The following BFAR variants were observed in gnomAD, a reference collection of about 807,000 sequenced individuals.
BFAR encodes the protein RING finger protein 47.
In BFAR, 52 loss-of-function variants were observed where a neutral mutation model predicts 54.4. That is an observed-to-expected ratio of 0.96 (90% CI 0.77 to 1.21). The LOEUF (loss-of-function observed/expected upper bound fraction) is 1.21, where lower values mean the gene tolerates loss of function less well. Among genes scored for constraint, BFAR ranks in the 50% most tolerant of loss-of-function variants. BFAR has a pLI of 0.00. For synonymous variants in BFAR, 215 were observed against 204.3 expected, an observed-to-expected ratio of 1.05 and a Z score of -0.45; for missense variants, 571 against 534.0, an observed-to-expected ratio of 1.07 and a Z score of -0.68.
In BFAR at chr16:14,668,126, A is replaced by G; in HGVS notation, c.*299A>G. ...CAGTCCCCAACGGCTGGCAAGACTC[A>G]GGGTCCTCAGTGGACATGGTGTGGG... is the stretch of plus-strand genomic sequence containing the variant. On this transcript the variant is annotated 3_prime_UTR_variant, in exon 8 of 8. Coordinates refer to ENST00000261658, the MANE Select transcript of BFAR (RefSeq NM_016561.3). 2 of 407,138 alleles carry G rather than the reference A, an allele frequency of 4.9e-6. No individual in the cohort carries two copies. Among genetic ancestry groups the G allele is most frequent in the African/African-American group, 2.0e-5 (1 of 50,664 alleles). The allele number at this position is 407,138 out of a possible 1,614,324, so 25.2% of individuals were successfully genotyped here.
chr16:14,645,554 A>C (rs1385475756), intron 2 of BFAR, among the ~76,000 whole-genome samples: 1 of 152,074 alleles, frequency 6.6e-6, no homozygotes, highest in African/African-American at 2.4e-5. Context: ...CCCCTCTTCT[A>C]TTGTCTAACA....
At position 14,668,418 on chromosome 16, in the gene BFAR, G is replaced by A. The variant is rs1401302318; in HGVS notation, c.*591G>A. 6.5e-6 allele frequency: 1 copy of A among 152,886 alleles called. No homozygotes were observed. The highest frequency in any genetic ancestry group is 1.5e-5 in the Non-Finnish European group (1 of 68,548). The allele number at this position is 152,886 out of a possible 1,614,324, so 9.5% of individuals were successfully genotyped here. ...ACTCAAAGGATTCAGTTTGAGCCTAGAATGATGGTTAGACTTGTAGTCACT... is the reference window on the plus strand; with the variant it reads ...ACTCAAAGGATTCAGTTTGAGCCTAAAATGATGGTTAGACTTGTAGTCACT... On this transcript the variant is annotated 3_prime_UTR_variant, in exon 8 of 8. Transcript: ENST00000261658.
Position 14,647,741 on chromosome 16 carries a change from C to G in BFAR, c.264-647C>G, listed in dbSNP as rs1293249718. ...TATTTTCTCACATCATTGATGTGCT[C>G]TCTGCATGGTTCTGCAGTTTACTAT... On this transcript the variant is annotated intron_variant, in intron 2 of 7. Coordinates refer to ENST00000261658, the MANE Select transcript of BFAR (RefSeq NM_016561.3). Among the ~76,000 whole-genome samples the G allele has an allele frequency of 2.0e-5, 3 of 151,336 alleles. 1 individual carries two copies. Among genetic ancestry groups the G allele is most frequent in the South Asian group, 4.2e-4 (2 of 4,792 alleles).
chr16:14,649,686 G>C, intron 3 of BFAR, 118 bp from the exon 4 acceptor site: 1 of 868,300 alleles, frequency 1.2e-6, no homozygotes, highest in Non-Finnish European at 1.7e-6. Flanking sequence ...TTCTGTGTAC[G>C]GGCTCCGCAT....
At chr16:14,645,963 G>A (rs1043750120) in intron 2 of BFAR, among the ~76,000 whole-genome samples, 1 of 152,146 alleles carries the variant, frequency 6.6e-6, no homozygotes, top group Non-Finnish European at 1.5e-5. Flanking sequence ...CCACCTCCTA[G>A]GTTCAAGTGA....
chr16:14,641,495 G>A (rs1400055397), intron 1 of BFAR, among the ~76,000 whole-genome samples: 3 of 151,630 alleles, frequency 2.0e-5, no homozygotes, highest in Admixed American at 6.6e-5. Context: ...AGCTTGCAGT[G>A]AGTGGAGATC....
chr16:14,664,753 G>A (rs12149764), intron 6 of BFAR, 116 bp from the exon 7 acceptor site: 2 of 951,056 alleles, frequency 2.1e-6, no homozygotes, highest in Non-Finnish European at 3.3e-6. Flanking sequence ...GCCCACCTAG[G>A]CCTCCCAAAG....
chr16:14,658,566 C>A (rs1312150126), intron 5 of BFAR, among the ~76,000 whole-genome samples: 5 of 151,944 alleles, frequency 3.3e-5, no homozygotes, highest in Admixed American at 3.3e-4. Context: ...CCCATCTCTA[C>A]TAAAATACAA....
chr16:14,655,687 A>T lies in BFAR; in HGVS notation c.783+477A>T, dbSNP rs1379710653. ...CCTCAGGTGATCCACCTGCCTCCTG[A>T]CCTCAGCCTCCCAAAGTGCTGGGAT... On this transcript the variant is annotated intron_variant, in intron 5 of 7. Coordinates refer to ENST00000261658, the MANE Select transcript of BFAR (RefSeq NM_016561.3). 3.3e-5 allele frequency among the ~76,000 whole-genome samples: 5 copies of T among 151,414 alleles called. No homozygotes were observed. In the East Asian group the frequency reaches 9.7e-4, roughly 29 times the overall value.
Position 14,667,781 on chromosome 16 carries a change from A to T in BFAR, c.1307A>T (p.Asp436Val), listed in dbSNP as rs1459691846. The change falls in exon 8 of 8, where the codon GAT becomes GTT. Residue 436 changes from aspartate (D) to valine (V), a missense_variant. Physicochemically the swap from Asp to Val is radical, Grantham distance 152 (BLOSUM62 -3). Coordinates refer to ENST00000261658, the MANE Select transcript of BFAR (RefSeq NM_016561.3). ...TACTTTAACCCAATTATTAACATTG[A>T]TCTTGTGGTCAAGGAACTCCGGCGG... Reference protein sequence around the residue: ...ALYFNPIINIDLVVKELRRLE... With the variant: ...ALYFNPIINIVLVVKELRRLE... The T allele has an allele frequency of 6.2e-7, 1 of 1,614,068 alleles. No homozygotes were observed.
rs573936130 is a variant in BFAR at position 14,633,740 on chromosome 16, C to T, written c.-74+722C>T. On this transcript the variant is annotated intron_variant, in intron 1 of 7. Transcript: ENST00000261658. Reference sequence around the variant, plus strand: ...CAATCTCGGCTCACTGCAACCTCCGCCTCCCAGGTTCAAGCGATTCTCTTG... The same window carrying T: ...CAATCTCGGCTCACTGCAACCTCCGTCTCCCAGGTTCAAGCGATTCTCTTG... Among the ~76,000 whole-genome samples the T allele has an allele frequency of 3.9e-5, 6 of 152,330 alleles. No homozygotes were observed. In the East Asian group the frequency reaches 9.6e-4, roughly 24 times the overall value.
At chr16:14,650,097 C>G in intron 4 of BFAR, 124 bp downstream of exon 4, 2 of 961,132 alleles carry the variant, frequency 2.1e-6, no homozygotes, top group South Asian at 2.5e-5. Flanking sequence ...CGAGGCGGAT[C>G]GATCATTTGA....
At chr16:14,661,758 T>C in intron 5 of BFAR, 134 bp from the exon 6 acceptor site, 1 of 976,270 alleles carries the variant, frequency 1.0e-6, no homozygotes. Flanking sequence ...GGCCTCTTCT[T>C]GCCGTTCATT....
At chr16:14,661,158 G>T (rs1003411165) in intron 5 of BFAR, among the ~76,000 whole-genome samples, 18 of 152,118 alleles carry the variant, frequency 1.2e-4, no homozygotes, top group Non-Finnish European at 2.6e-4. Context: ...TGTAACTGTA[G>T]ATTTCACTGG....
intron 5 of BFAR, 61 bp from the exon 6 acceptor site, chr16:14,661,831 G>T: frequency 6.4e-7 from 1 of 1,569,372 alleles, no homozygotes; most frequent in Non-Finnish European, 8.7e-7. Context: ...ATGGGAAGGA[G>T]CGTGGGTGGG....
Position 14,648,626 on chromosome 16 carries a change from C to G in BFAR, c.468+34C>G, listed in dbSNP as rs766792838. On this transcript the variant is annotated intron_variant, in intron 3 of 7. Transcript: ENST00000261658. ...ATCACTGTGTTCCTCTGTGCCCCCCCACACCTCACCCCCCGACCCCTGATT... is the reference window on the plus strand; with the variant it reads ...ATCACTGTGTTCCTCTGTGCCCCCCGACACCTCACCCCCCGACCCCTGATT... 81 of 1,284,034 alleles carry G rather than the reference C, an allele frequency of 6.3e-5. 1 individual carries two copies. The Middle Eastern group carries it at 8.5e-4, about 13-fold the overall frequency. 79.5% of individuals were successfully genotyped at this position (1,284,034 alleles called of 1,614,324 possible).
intron 5 of BFAR, among the ~76,000 whole-genome samples, chr16:14,656,258 G>A (rs578165183): frequency 2.6e-5 from 4 of 152,130 alleles, no homozygotes; most frequent in Admixed American, 2.6e-4. Flanking sequence ...TGGGCATGGT[G>A]GTTCACAACT....
At chr16:14,643,062 C>T (rs1218887919) in intron 1 of BFAR, among the ~76,000 whole-genome samples, 1 of 152,162 alleles carries the variant, frequency 6.6e-6, no homozygotes, top group African/African-American at 2.4e-5. Flanking sequence ...CCTGTAATCC[C>T]AGCACTTTGG....
intron 5 of BFAR, among the ~76,000 whole-genome samples, chr16:14,655,852 C>G (rs984487520): frequency 2.0e-5 from 3 of 152,200 alleles, no homozygotes; most frequent in Admixed American, 1.3e-4. Context: ...ACCGCATCTG[C>G]TCTTTAAGCC....
Sources: allele counts gnomAD v4.1 joint callset (sites outside exome capture counted in the v4.1 genomes callset), GRCh38; gene constraint gnomAD v4.1.1; transcripts MANE v1.5; gene names NCBI Gene and HGNC (gene_info 2026-07-23, HGNC 2026-07-21).